The following CTNNA3 variants were observed in gnomAD, a reference collection of about 807,000 sequenced individuals.
CTNNA3 encodes the protein catenin alpha 3.
In CTNNA3, 76 loss-of-function variants were observed where a neutral mutation model predicts 95.7. The observed-to-expected ratio is 0.79, with a 90% confidence interval of 0.66 to 0.96. The LOEUF is 0.96. Ranked by LOEUF, CTNNA3 falls within the 40% of genes least tolerant of loss-of-function variation. The pLI is 0.00. For missense variants in CTNNA3, 1,191 were observed against 1,089.8 expected (o/e 1.09, Z -1.31); for synonymous variants, 431 against 374.4 (o/e 1.15, Z -1.74).
intron 14 of CTNNA3, among the ~76,000 whole-genome samples, chr10:66,087,137 G>A (rs1435741406): frequency 1.3e-5 from 2 of 151,784 alleles, no homozygotes; most frequent in Non-Finnish European, 2.9e-5. Flanking sequence ...AAAGATTTGT[G>A]GGCTATGTAA....
chr10:66,855,718 C>G (rs1269143083), intron 7 of CTNNA3, among the ~76,000 whole-genome samples: 1 of 151,840 alleles, frequency 6.6e-6, no homozygotes, highest in Non-Finnish European at 1.5e-5. Flanking sequence ...TATTTTGATC[C>G]TTGTTTTCTT....
At chr10:65,991,762 CT>C (rs2078551040) in intron 15 of CTNNA3, among the ~76,000 whole-genome samples, 1 of 151,992 alleles carries the variant, frequency 6.6e-6, no homozygotes, top group African/African-American at 2.4e-5. Context: ...ATTGCTCTGG[CT>C]GATAACCTTC....
At chr10:67,338,785 C>T (rs1470175415) in intron 5 of CTNNA3, among the ~76,000 whole-genome samples, 1 of 152,154 alleles carries the variant, frequency 6.6e-6, no homozygotes, top group Non-Finnish European at 1.5e-5. Context: ...GACATTTCTG[C>T]CAATCTTGCT....
chr10:66,533,277 T>A (rs1349981022), intron 10 of CTNNA3, among the ~76,000 whole-genome samples: 1 of 152,144 alleles, frequency 6.6e-6, no homozygotes, highest in East Asian at 1.9e-4. Context: ...GTTAGGTAAC[T>A]CCAATTTATC....
chr10:67,215,157 A>C (rs1403847689), intron 6 of CTNNA3, among the ~76,000 whole-genome samples: 1 of 152,132 alleles, frequency 6.6e-6, no homozygotes, highest in Non-Finnish European at 1.5e-5. Context: ...CTTTCAGATC[A>C]CCAATTCTCT....
intron 13 of CTNNA3, among the ~76,000 whole-genome samples, chr10:66,150,660 C>A: frequency 6.6e-6 from 1 of 151,828 alleles, no homozygotes; most frequent in Non-Finnish European, 1.5e-5. Flanking sequence ...TAAATATCTT[C>A]TATTTTGAAA....
At chr10:67,212,108 G>C (rs1864165110) in intron 6 of CTNNA3, among the ~76,000 whole-genome samples, 1 of 151,856 alleles carries the variant, frequency 6.6e-6, no homozygotes, top group African/African-American at 2.4e-5. Context: ...CTTATTCTCA[G>C]ATTTACCACC....
chr10:66,467,063 A>G (rs904685257), intron 11 of CTNNA3, among the ~76,000 whole-genome samples: 2 of 152,120 alleles, frequency 1.3e-5, no homozygotes, highest in African/African-American at 4.8e-5. Flanking sequence ...TACTAACTGA[A>G]GAAATAAATG....
chr10:66,146,733 T>A (rs1440899747), intron 13 of CTNNA3, among the ~76,000 whole-genome samples: 1 of 152,136 alleles, frequency 6.6e-6, no homozygotes, highest in East Asian at 1.9e-4. Flanking sequence ...ATTTTTGTAT[T>A]TTTTGTAGAT....
chr10:67,672,245 G>C (rs977400403), intron 1 of CTNNA3, among the ~76,000 whole-genome samples: 21 of 152,162 alleles, frequency 1.4e-4, no homozygotes, highest in Non-Finnish European at 2.8e-4. Flanking sequence ...GTTCATTGTA[G>C]ATTCTGGGTA....
At position 66,385,888 on chromosome 10, in the gene CTNNA3, A is replaced by G. The variant is rs188121729; in HGVS notation, c.1532-6536T>C. Among the ~76,000 whole-genome samples the G allele has an allele frequency of 2.2e-3, 342 of 152,318 alleles. 2 individuals carry two copies. Among genetic ancestry groups the G allele is most frequent in the African/African-American group, 7.7e-3 (321 of 41,576 alleles). ...CAGAAAAGGCCTTTGACAAAATTCA[A>G]CAGTGCTTCATGCTAAAAACTCTCA... On this transcript the variant is annotated intron_variant, in intron 11 of 17. Transcript: ENST00000433211.
intron 13 of CTNNA3, among the ~76,000 whole-genome samples, chr10:66,115,456 C>T (rs1162598350): frequency 2.0e-5 from 3 of 151,374 alleles, no homozygotes; most frequent in African/African-American, 2.4e-5. Context: ...TTTTCCATAA[C>T]AAAGATTTTG....
chr10:66,933,992 T>G (rs1847552161), intron 7 of CTNNA3, among the ~76,000 whole-genome samples: 1 of 152,086 alleles, frequency 6.6e-6, no homozygotes, highest in Non-Finnish European at 1.5e-5. Flanking sequence ...TTTTCTGACA[T>G]TTTAACTTCA....
At chr10:67,273,129 C>A (rs1456519893) in intron 5 of CTNNA3, among the ~76,000 whole-genome samples, 1 of 152,104 alleles carries the variant, frequency 6.6e-6, no homozygotes, top group Non-Finnish European at 1.5e-5. Context: ...ACCATCATAA[C>A]TCCTATTCCT....
chr10:67,266,893 A>C (rs1436291604), intron 5 of CTNNA3, among the ~76,000 whole-genome samples: 1 of 152,238 alleles, frequency 6.6e-6, no homozygotes, highest in Non-Finnish European at 1.5e-5. Flanking sequence ...CACTGTATAC[A>C]TACATCCAAA....
intron 7 of CTNNA3, among the ~76,000 whole-genome samples, chr10:66,906,242 T>G (rs753950804): frequency 1.3e-5 from 2 of 152,154 alleles, no homozygotes; most frequent in Non-Finnish European, 2.9e-5. Context: ...ATGGGCTTCC[T>G]GATAGAATGC....
intron 9 of CTNNA3, among the ~76,000 whole-genome samples, chr10:66,686,131 C>T (rs753888119): frequency 6.6e-6 from 1 of 152,166 alleles, no homozygotes; most frequent in Non-Finnish European, 1.5e-5. Context: ...AGTCAGCATG[C>T]GGATCCTGCT....
intron 7 of CTNNA3, among the ~76,000 whole-genome samples, chr10:66,808,859 A>G (rs1381932358): frequency 6.6e-6 from 1 of 152,230 alleles, no homozygotes; most frequent in Admixed American, 6.5e-5. Context: ...CTGGTCATTT[A>G]AAATTATGAA....
intron 1 of CTNNA3, among the ~76,000 whole-genome samples, chr10:67,734,197 A>T (rs1841290667): frequency 6.6e-6 from 1 of 152,138 alleles, no homozygotes; most frequent in South Asian, 2.1e-4. Flanking sequence ...TTAACCCTAC[A>T]TGTTAATTAA....
Sources: gnomAD v4.1 joint callset for allele counts (sites outside exome capture counted in the v4.1 genomes callset) on GRCh38, gnomAD v4.1.1 for gene constraint, MANE v1.5 for transcripts, NCBI Gene and HGNC (gene_info 2026-07-23, HGNC 2026-07-21) for gene names.